Variants in PRMT8 observed in about 807,000 individuals in gnomAD.
PRMT8 encodes protein arginine methyltransferase 8.
In PRMT8, 7 loss-of-function variants were observed where a neutral mutation model predicts 47.1. The ratio of observed to expected loss-of-function variants is 0.15; its 90% confidence interval spans 0.08 to 0.28. The LOEUF is 0.28. Among genes scored for constraint, PRMT8 ranks in the 10% least tolerant of loss-of-function variants. The probability of loss-of-function intolerance (pLI) is 1.00; values close to 1 mark genes in which losing one functional copy is unlikely to be tolerated. For synonymous variants in PRMT8, 188 were observed against 186.5 expected, an observed-to-expected ratio of 1.01 and a Z score of -0.07; for missense variants, 237 against 505.4, an observed-to-expected ratio of 0.47 and a Z score of 5.09.
chr12:3,555,588 G>A (rs1415204774), intron 4 of PRMT8, among the ~76,000 whole-genome samples: 1 of 152,186 alleles, frequency 6.6e-6, no homozygotes, highest in Non-Finnish European at 1.5e-5. Flanking sequence ...GTCTGTTGGA[G>A]GATTTCAAGC....
chr12:3,559,495 A>G (rs1310595938), intron 4 of PRMT8, among the ~76,000 whole-genome samples: 1 of 152,146 alleles, frequency 6.6e-6, no homozygotes, highest in East Asian at 1.9e-4. Context: ...TACTGTATCT[A>G]TTTATATGTA....
chr12:3,448,000 C>T (rs906726099), intron 1 of PRMT8, among the ~76,000 whole-genome samples: 1 of 152,074 alleles, frequency 6.6e-6, no homozygotes, highest in Non-Finnish European at 1.5e-5. Flanking sequence ...ACTCCCTTTA[C>T]AATTTTTTGT....
chr12:3,425,665 A>G (rs967052354), intron 1 of PRMT8, among the ~76,000 whole-genome samples: 2 of 152,262 alleles, frequency 1.3e-5, no homozygotes, highest in African/African-American at 4.8e-5. Flanking sequence ...TTGGGCTTTA[A>G]TTGATCAGGT....
At chr12:3,384,656 A>G (rs1180403521) in intron 1 of PRMT8, among the ~76,000 whole-genome samples, 1 of 152,000 alleles carries the variant, frequency 6.6e-6, no homozygotes, top group Non-Finnish European at 1.5e-5. Context: ...TTTAATCACA[A>G]GGAAAATCTT....
Position 3,571,700 on chromosome 12 carries a change from C to T in PRMT8, c.712+2136C>T, listed in dbSNP as rs142275306. Among the ~76,000 whole-genome samples, 756 of 152,254 alleles carry T rather than the reference C, an allele frequency of 5.0e-3. 1 individual carries two copies. Among genetic ancestry groups the T allele is most frequent in the Admixed American group, 8.4e-3 (128 of 15,298 alleles). On this transcript the variant is annotated intron_variant, in intron 6 of 9. Transcript: ENST00000382622. ...TCTCTGAAAAATACCCCAACCTCCT[C>T]CCCACCCCAAAAGAACACCAAGAAA... is the stretch of plus-strand genomic sequence containing the variant.
intron 1 of PRMT8, among the ~76,000 whole-genome samples, chr12:3,431,614 G>A (rs146981394): frequency 3.2e-4 from 48 of 152,242 alleles, no homozygotes; most frequent in African/African-American, 1.1e-3. Flanking sequence ...AGGAAAGATG[G>A]GATTCCAAGA....
chr12:3,566,111 A>G lies in PRMT8; in HGVS notation c.482-2595A>G, dbSNP rs1332787638. On this transcript the variant is annotated intron_variant, in intron 4 of 9. Transcript: ENST00000382622. This position sits in a 1 kb window ranked among gnomAD's most constrained non-coding sequence, Gnocchi z 4.7. ...CAAAGAAAAAAAAGTAAGGGAGGCCATTAAAGACAATTTTTAAGTTTACAA... is the reference window on the plus strand; with the variant it reads ...CAAAGAAAAAAAAGTAAGGGAGGCCGTTAAAGACAATTTTTAAGTTTACAA... Among the ~76,000 whole-genome samples, 1 of 152,252 alleles carries G rather than the reference A, an allele frequency of 6.6e-6. No individual in the cohort carries two copies. The highest frequency in any genetic ancestry group is 1.5e-5 in the Non-Finnish European group (1 of 68,040).
At chr12:3,443,354 C>T (rs995662580) in intron 1 of PRMT8, among the ~76,000 whole-genome samples, 11 of 152,316 alleles carry the variant, frequency 7.2e-5, no homozygotes, top group Middle Eastern at 6.8e-3. Context: ...TCCCCCAAAC[C>T]GGCTTTGTCT....
intron 6 of PRMT8, chr12:3,574,113 G>T (rs549877737): frequency 6.6e-6 from 1 of 152,322 alleles, no homozygotes; most frequent in South Asian, 2.1e-4. Flanking sequence ...GCAAAACAGT[G>T]CAGGCATTAA....
chr12:3,414,714 G>T (rs528640631), intron 1 of PRMT8, among the ~76,000 whole-genome samples: 6 of 152,146 alleles, frequency 3.9e-5, no homozygotes, highest in African/African-American at 1.4e-4. Flanking sequence ...AGAGGCTCTT[G>T]GTGGGATGGG....
intron 1 of PRMT8, among the ~76,000 whole-genome samples, chr12:3,434,891 A>G (rs1864720252): frequency 6.6e-6 from 1 of 151,840 alleles, no homozygotes; most frequent in South Asian, 2.1e-4. Context: ...TTGTGGCTCC[A>G]TAGACGCCCT....
chr12:3,487,064 C>A (rs1257752200), upstream of PRMT8, among the ~76,000 whole-genome samples: 1 of 152,192 alleles, frequency 6.6e-6, no homozygotes, highest in East Asian at 1.9e-4. Context: ...TGCCTGGAGG[C>A]TCAGCCAGGT....
At position 3,572,110 on chromosome 12, in the gene PRMT8, A is replaced by G. The variant is rs1207490511; in HGVS notation, c.712+2546A>G. Among the ~76,000 whole-genome samples the G allele has an allele frequency of 1.3e-5, 2 of 151,738 alleles. No individual in the cohort carries two copies. Among genetic ancestry groups the G allele is most frequent in the Non-Finnish European group, 2.9e-5 (2 of 67,952 alleles). ...CTTTCTTCTTCTTTCTCAACCACAC[A>G]CAGCAACATGGGAGTGCAAGAATGA... On this transcript the variant is annotated intron_variant, in intron 6 of 9. Transcript: ENST00000382622. The surrounding 1 kb of genome is among the most constrained non-coding windows in gnomAD (Gnocchi z 5.9).
chr12:3,581,839 C>T (rs1867073324), intron 7 of PRMT8, among the ~76,000 whole-genome samples: 1 of 152,198 alleles, frequency 6.6e-6, no homozygotes, highest in East Asian at 1.9e-4. Flanking sequence ...CTCTGTCCAT[C>T]CCTGTGGAGT....
chr12:3,508,344 A>G lies in PRMT8; in HGVS notation c.75+16644A>G, dbSNP rs1865662507. Reference sequence around the variant, plus strand: ...GCGTCATGCAGGAGAACATGCTCATATACAAACATACATATCCTGTGTGAT... The same window carrying G: ...GCGTCATGCAGGAGAACATGCTCATGTACAAACATACATATCCTGTGTGAT... On this transcript the variant is annotated intron_variant, in intron 1 of 9. Coordinates refer to ENST00000382622, the MANE Select transcript of PRMT8 (RefSeq NM_019854.5). The surrounding 1 kb of genome is among the most constrained non-coding windows in gnomAD (Gnocchi z 4.9). Among the ~76,000 whole-genome samples, 1 of 152,190 alleles carries G rather than the reference A, an allele frequency of 6.6e-6. No individual in the cohort carries two copies. Among genetic ancestry groups the G allele is most frequent in the Non-Finnish European group, 1.5e-5 (1 of 68,032 alleles).
chr12:3,516,815 T>C (rs1424654609), intron 1 of PRMT8, among the ~76,000 whole-genome samples: 1 of 146,724 alleles, frequency 6.8e-6, no homozygotes, highest in Non-Finnish European at 1.5e-5. Flanking sequence ...CCCTCGCCCC[T>C]TAGTTGCGCT....
rs776336003 is a variant in PRMT8, at chr12:3,593,230, C to T, written c.*48C>T. 1.1e-5 allele frequency: 16 copies of T among 1,480,686 alleles called. No individual in the cohort carries two copies. The highest frequency in any genetic ancestry group is 8.1e-5 in the South Asian group (7 of 86,558). 91.7% of individuals were successfully genotyped at this position (1,480,686 alleles called of 1,614,324 possible). The stretch of plus-strand genomic sequence containing the variant: ...GCAACGAGAAAAGGAACTCTCACCT[C>T]GATCTGCCGTGCCGTCCCAAAGAAT... On this transcript the variant is annotated 3_prime_UTR_variant, in exon 10 of 10. Transcript: ENST00000382622. The surrounding 1 kb of genome is among the most constrained non-coding windows in gnomAD (Gnocchi z 4.8).
intron 1 of PRMT8, among the ~76,000 whole-genome samples, chr12:3,482,207 A>G (rs1012741475): frequency 2.0e-5 from 3 of 152,238 alleles, no homozygotes; most frequent in Non-Finnish European, 4.4e-5. Flanking sequence ...AGCATGGACT[A>G]TCCTGCCCGA....
chr12:3,504,850 C>T (rs1865591982), intron 1 of PRMT8, among the ~76,000 whole-genome samples: 1 of 18,700 alleles, frequency 5.3e-5, no homozygotes, highest in African/African-American at 1.9e-4. Flanking sequence ...TAGCAATCAG[C>T]GAGATTCCGT....
Sources: allele counts gnomAD v4.1 joint callset (sites outside exome capture counted in the v4.1 genomes callset), GRCh38; gene constraint gnomAD v4.1.1; non-coding constraint Gnocchi (gnomAD v3.1); transcripts MANE v1.5; gene names NCBI Gene and HGNC (gene_info 2026-07-23, HGNC 2026-07-21).